YEATS2: variants seen among roughly 807,000 people sequenced by gnomAD.
The protein encoded by YEATS2 is YEATS domain-containing protein 2.
A neutral mutation model predicts 163.2 loss-of-function variants in YEATS2; 77 were observed. The observed-to-expected ratio is 0.47, with a 90% CI of 0.39 to 0.57. The LOEUF (loss-of-function observed/expected upper bound fraction) is 0.57, where lower values mean the gene tolerates loss of function less well. YEATS2 is among the 20% of genes least tolerant of loss of function. The pLI, the probability that YEATS2 is intolerant of heterozygous loss-of-function variation, is 0.00. For synonymous variants in YEATS2, 631 were observed against 645.1 expected, an observed-to-expected ratio of 0.98 and a Z score of 0.33; for missense variants, 1,549 against 1,729.8, an observed-to-expected ratio of 0.90 and a Z score of 1.85.
rs147320572 is a variant in YEATS2, at chr3:183,805,774, G to T, written c.3785-1092G>T. On this transcript the variant is annotated intron_variant, in intron 27 of 30. Transcript: ENST00000305135. ...ACTCCTCTCCAGCTTGGGTGACAGC[G>T]CAAAACCCTGTCCAAAAAAAAAAGG... 5.5e-3 allele frequency among the ~76,000 whole-genome samples: 828 copies of T among 151,654 alleles called. 10 individuals are homozygous for T. Among genetic ancestry groups the T allele is most frequent in the African/African-American group, 0.017 (704 of 41,354 alleles).
rs181697066 is a variant in YEATS2, at chr3:183,704,817, C to T, written c.-20+6824C>T. Among the ~76,000 whole-genome samples the T allele has an allele frequency of 2.6e-3, 397 of 151,958 alleles. 1 individual carries two copies. Among genetic ancestry groups the T allele is most frequent in the African/African-American group, 9.3e-3 (386 of 41,460 alleles). Reference sequence around the variant, plus strand: ...CTAATTTTTGTATTTTTAGTAGAGACGGGGTTTTACCACATTGGCCAGGCT... The same window carrying T: ...CTAATTTTTGTATTTTTAGTAGAGATGGGGTTTTACCACATTGGCCAGGCT... On this transcript the variant is annotated intron_variant, in intron 1 of 30. Coordinates refer to ENST00000305135, the MANE Select transcript of YEATS2 (RefSeq NM_018023.5).
chr3:183,793,334 C>G, intron 21 of YEATS2: 4 of 1,090,014 alleles, frequency 3.7e-6, no homozygotes, highest in Non-Finnish European at 4.5e-6. Context: ...AAAATTAAGG[C>G]TGATTATATT....
intron 21 of YEATS2, among the ~76,000 whole-genome samples, chr3:183,796,277 C>T (rs1338471800): frequency 1.3e-5 from 2 of 151,002 alleles, no homozygotes; most frequent in Non-Finnish European, 2.9e-5. Flanking sequence ...GGATTACAGG[C>T]GTGAGCCACC....
rs546525843 is a variant in YEATS2 at position 183,734,060 on chromosome 3, G to A, written c.813-2658G>A. Among the ~76,000 whole-genome samples, 314 of 152,320 alleles carry A rather than the reference G, an allele frequency of 2.1e-3. 1 individual carries two copies. Among genetic ancestry groups the A allele is most frequent in the African/African-American group, 7.3e-3 (303 of 41,566 alleles). On this transcript the variant is annotated intron_variant, in intron 7 of 30. Transcript: ENST00000305135. ...CGTATCTGTTTTATTTCACTCAAAT[G>A]TAGAACTCTCTAGAGCAGCATTGTC...
At chr3:183,794,684 A>G (rs1474459971) in intron 21 of YEATS2, among the ~76,000 whole-genome samples, 3 of 152,218 alleles carry the variant, frequency 2.0e-5, no homozygotes, top group Admixed American at 6.5e-5. Context: ...TACAGTTTCT[A>G]CTGAGTGCCT....
chr3:183,739,259 A>G (rs1285427035), intron 8 of YEATS2, among the ~76,000 whole-genome samples: 5 of 151,758 alleles, frequency 3.3e-5, no homozygotes, highest in Non-Finnish European at 7.4e-5. Context: ...AACTTCAGCA[A>G]AGTCTCAGGA....
chr3:183,799,472 C>T (rs1387481768), intron 23 of YEATS2, among the ~76,000 whole-genome samples: 1 of 152,096 alleles, frequency 6.6e-6, no homozygotes, highest in East Asian at 1.9e-4. Flanking sequence ...GAGAGACAGA[C>T]TCAGCTTCCC....
intron 25 of YEATS2, chr3:183,801,741 AT>A: frequency 2.2e-6 from 1 of 446,128 alleles, no homozygotes; most frequent in East Asian, 3.8e-5. Context: ...TGTAGAAGGA[AT>A]GTTTTACATT....
chr3:183,735,696 C>CT (rs11432788), intron 7 of YEATS2, among the ~76,000 whole-genome samples: 58,929 of 149,240 alleles, frequency 0.39, 11,952 homozygotes, highest in Middle Eastern at 0.52. Flanking sequence ...TTGTCATTTT[C>CT]TTTTTTTTTT....
At chr3:183,805,367 T>C (rs1276606056) in intron 27 of YEATS2, among the ~76,000 whole-genome samples, 2 of 152,006 alleles carry the variant, frequency 1.3e-5, no homozygotes, top group African/African-American at 4.8e-5. Flanking sequence ...ACCACTGCAC[T>C]CCAGCCTGGG....
At chr3:183,737,259 A>G (rs1453581646) in intron 8 of YEATS2, among the ~76,000 whole-genome samples, 1 of 152,218 alleles carries the variant, frequency 6.6e-6, no homozygotes, top group Non-Finnish European at 1.5e-5. Flanking sequence ...AAATCCGTGT[A>G]TAAGCAGATC....
At chr3:183,798,219 G>GTACAGCCACCCTTCAGCTGTC (rs1360783777) in intron 22 of YEATS2, among the ~76,000 whole-genome samples, 168 bp downstream of exon 22, 2 of 150,552 alleles carry the variant, frequency 1.3e-5, no homozygotes, top group African/African-American at 5.0e-5. Context: ...CCAGCGCCTT[G>GTACAGCCACCCTTCAGCTGTC]AATGCTAGGG....
At chr3:183,743,996 C>T (rs1166757831) in intron 8 of YEATS2, among the ~76,000 whole-genome samples, 1 of 151,944 alleles carries the variant, frequency 6.6e-6, no homozygotes, top group Non-Finnish European at 1.5e-5. Flanking sequence ...GACTAGGTTG[C>T]CTTATGACCT....
At chr3:183,762,709 T>A (rs1028674230) in intron 15 of YEATS2, among the ~76,000 whole-genome samples, 4 of 152,094 alleles carry the variant, frequency 2.6e-5, no homozygotes, top group Non-Finnish European at 2.9e-5. Flanking sequence ...TTTTTTTTTT[T>A]TAATAATTTG....
intron 9 of YEATS2, among the ~76,000 whole-genome samples, chr3:183,749,453 C>A (rs1371633627): frequency 6.6e-6 from 1 of 152,096 alleles, no homozygotes; most frequent in Non-Finnish European, 1.5e-5. Flanking sequence ...CCCGCCCCCC[C>A]AGCACTGGCA....
rs1367856801 is a variant in YEATS2 at position 183,797,337 on chromosome 3, G to A, written c.3098-586G>A. ...GTGGGAGGATCGCTCGAGGCCAGGA[G>A]TTTCAAGACCAGCCTGGGCAACAAA... On this transcript the variant is annotated intron_variant, in intron 21 of 30. Coordinates refer to ENST00000305135, the MANE Select transcript of YEATS2 (RefSeq NM_018023.5). Among the ~76,000 whole-genome samples the A allele has an allele frequency of 3.3e-5, 5 of 150,078 alleles. No individual in the cohort carries two copies. The East Asian group carries it at 9.9e-4, about 30-fold the overall frequency.
Position 183,715,263 on chromosome 3 carries a change from G to T in YEATS2, c.100+1G>T. 1 of 1,602,382 alleles carries T rather than the reference G, an allele frequency of 6.2e-7. No homozygotes were observed. On this transcript the variant is annotated splice_donor_variant, in intron 2 of 30. Coordinates refer to ENST00000305135, the MANE Select transcript of YEATS2 (RefSeq NM_018023.5). LOFTEE classifies it high-confidence loss of function. ...CGGCATAAAGCAATTGAGAATTCAG[G>T]TAGAAATCCTGCCTTAGGAAATTAT...
At chr3:183,771,718 AT>A (rs10592078) in intron 15 of YEATS2, among the ~76,000 whole-genome samples, 104 of 100,212 alleles carry the variant, frequency 1.0e-3, no homozygotes, top group African/African-American at 2.9e-3. Context: ...GTACTGGCTA[AT>A]TTTTTTTTTT....
chr3:183,748,257 C>CTTT (rs1232220476), intron 9 of YEATS2, among the ~76,000 whole-genome samples: 1 of 135,434 alleles, frequency 7.4e-6, no homozygotes, highest in Admixed American at 7.5e-5. Flanking sequence ...CCTTCCCCTC[C>CTTT]TTTTTTTTTT....
Sources: gnomAD v4.1 joint callset for allele counts (sites outside exome capture counted in the v4.1 genomes callset) on GRCh38, gnomAD v4.1.1 for gene constraint, MANE v1.5 for transcripts, NCBI Gene and HGNC (gene_info 2026-07-23, HGNC 2026-07-21) for gene names.